SYN2: variants seen among roughly 807,000 people sequenced by gnomAD.
SYN2 encodes the protein synapsin-2.
SYN2 carries 19 observed loss-of-function variants against 50.9 expected under a neutral mutation model. The ratio of observed to expected loss-of-function variants is 0.37; its 90% CI spans 0.26 to 0.55. The LOEUF (loss-of-function observed/expected upper bound fraction) is 0.55, where lower values mean the gene tolerates loss of function less well. Among genes scored for constraint, SYN2 ranks in the 20% least tolerant of loss-of-function variants. The pLI, the probability that SYN2 is intolerant of heterozygous loss-of-function variation, is 0.81. For missense variants in SYN2, 587 were observed against 576.4 expected (o/e 1.02, Z -0.19); for synonymous variants, 255 against 224.9 (o/e 1.13, Z -1.20).
intron 1 of SYN2, among the ~76,000 whole-genome samples, chr3:12,020,615 T>G (rs1694113047): frequency 6.6e-6 from 1 of 152,184 alleles, no homozygotes; most frequent in East Asian, 1.9e-4. Context: ...CTCCAGAGAT[T>G]CTTCAGTGCT....
At chr3:12,037,670 G>T (rs773141411) in intron 1 of SYN2, among the ~76,000 whole-genome samples, 2 of 152,114 alleles carry the variant, frequency 1.3e-5, no homozygotes, top group Non-Finnish European at 2.9e-5. Context: ...TAACTAACCT[G>T]CTCCCATGAT....
At chr3:12,013,705 C>T (rs1340897893) in intron 1 of SYN2, among the ~76,000 whole-genome samples, 2 of 152,180 alleles carry the variant, frequency 1.3e-5, no homozygotes, top group Non-Finnish European at 2.9e-5. Flanking sequence ...CATTTAGTAA[C>T]CTGAATGAAC....
intron 2 of SYN2, 54 bp downstream of exon 2, chr3:12,140,762 C>T: frequency 1.4e-6 from 1 of 726,332 alleles, no homozygotes; most frequent in Non-Finnish European, 2.6e-6. Context: ...TTCCTCTTGA[C>T]ATGCCAGAGT....
chr3:12,139,940 A>G (rs1175859241), intron 1 of SYN2, among the ~76,000 whole-genome samples: 1 of 151,056 alleles, frequency 6.6e-6, no homozygotes, highest in Non-Finnish European at 1.5e-5. Flanking sequence ...GGATTAATTA[A>G]TGCATTAATG....
intron 7 of SYN2, 48 bp downstream of exon 7, chr3:12,162,202 TG>T: frequency 6.3e-7 from 1 of 1,597,958 alleles, no homozygotes; most frequent in South Asian, 1.1e-5. Flanking sequence ...ATGGAAAAGC[TG>T]AGCCTCCACA....
intron 6 of SYN2, 127 bp from the exon 7 acceptor site, chr3:12,161,885 T>G (rs971375967): frequency 7.4e-7 from 1 of 1,356,770 alleles, no homozygotes; most frequent in Non-Finnish European, 1.0e-6. Flanking sequence ...TGGGGAGATG[T>G]GGCACCCAGA....
At chr3:12,138,424 C>G (rs1322058676) in intron 1 of SYN2, among the ~76,000 whole-genome samples, 6 of 152,168 alleles carry the variant, frequency 3.9e-5, no homozygotes, top group Admixed American at 6.5e-5. Flanking sequence ...ATAAACCCAG[C>G]CAGAGTCTAT....
At chr3:12,126,619 G>A (rs1696676767) in intron 1 of SYN2, among the ~76,000 whole-genome samples, 1 of 152,188 alleles carries the variant, frequency 6.6e-6, no homozygotes, top group South Asian at 2.1e-4. Context: ...AATCTGCTCT[G>A]GAGTCAGTTT....
At chr3:12,040,703 A>G (rs1017238077) in intron 1 of SYN2, among the ~76,000 whole-genome samples, 1 of 152,170 alleles carries the variant, frequency 6.6e-6, no homozygotes, top group Admixed American at 6.5e-5. Context: ...TATAACTTTC[A>G]TATATATCAC....
At chr3:12,150,382 A>G (rs1441657060) in intron 4 of SYN2, among the ~76,000 whole-genome samples, 1 of 152,218 alleles carries the variant, frequency 6.6e-6, no homozygotes, top group African/African-American at 2.4e-5. Context: ...TACTTGCAGG[A>G]ATAAGGAGAG....
intron 1 of SYN2, among the ~76,000 whole-genome samples, chr3:12,100,893 T>C (rs1696059220): frequency 6.6e-6 from 1 of 152,170 alleles, no homozygotes; most frequent in Admixed American, 6.5e-5. Flanking sequence ...CAGCATCATT[T>C]ACCATCAGGA....
chr3:12,131,508 A>T (rs1476826748), intron 1 of SYN2, among the ~76,000 whole-genome samples: 1 of 152,194 alleles, frequency 6.6e-6, no homozygotes, highest in South Asian at 2.1e-4. Flanking sequence ...CCAATATCAA[A>T]TCAGCCTGAT....
At chr3:12,171,307 A>G (rs538643559) in intron 10 of SYN2, among the ~76,000 whole-genome samples, 11 of 152,298 alleles carry the variant, frequency 7.2e-5, no homozygotes, top group Admixed American at 3.3e-4. Context: ...AGATTTTATG[A>G]TTTTGTAAAT....
At chr3:12,053,506 A>ATG (rs200419580) in intron 1 of SYN2, among the ~76,000 whole-genome samples, 4,723 of 152,206 alleles carry the variant, frequency 0.031, 274 homozygotes, top group African/African-American at 0.11. Context: ...TATCTGATAA[A>ATG]TGTACACTTA....
chr3:12,169,956 C>T, intron 10 of SYN2, 50 bp downstream of exon 10: 1 of 1,548,182 alleles, frequency 6.5e-7, no homozygotes, highest in South Asian at 1.2e-5. Flanking sequence ...TTCCCAAGCC[C>T]ACTCCTCTAG....
intron 1 of SYN2, among the ~76,000 whole-genome samples, chr3:12,047,871 A>G (rs964341219): frequency 1.3e-5 from 2 of 152,236 alleles, no homozygotes; most frequent in African/African-American, 4.8e-5. Flanking sequence ...TGAAGAAAGC[A>G]TTTAACCTGT....
rs1695860945 is a variant in SYN2 at position 12,093,011 on chromosome 3, C to A, written c.378-47640C>A. ...GTTAGCCATCCTGATTACTTTTCCTCTCCCACAGGGTGCCTTTGACCTTAA... is the reference window on the plus strand; with the variant it reads ...GTTAGCCATCCTGATTACTTTTCCTATCCCACAGGGTGCCTTTGACCTTAA... On this transcript the variant is annotated intron_variant, in intron 1 of 12. Transcript: ENST00000621198. Among the ~76,000 whole-genome samples, 14 of 152,282 alleles carry A rather than the reference C, an allele frequency of 9.2e-5. No homozygotes were observed. In the South Asian group the frequency reaches 2.9e-3, roughly 32 times the overall value.
At chr3:12,106,287 A>G (rs1696189072) in intron 1 of SYN2, among the ~76,000 whole-genome samples, 1 of 152,178 alleles carries the variant, frequency 6.6e-6, no homozygotes, top group Admixed American at 6.5e-5. Flanking sequence ...CAGCTGGAGA[A>G]AACTCTCTGC....
chr3:12,126,669 A>G (rs1481149741), intron 1 of SYN2, among the ~76,000 whole-genome samples: 1 of 152,198 alleles, frequency 6.6e-6, no homozygotes, highest in African/African-American at 2.4e-5. Flanking sequence ...CAGTAGTTGT[A>G]TGACCTTGAA....
Sources: allele counts gnomAD v4.1 joint callset (sites outside exome capture counted in the v4.1 genomes callset), GRCh38; gene constraint gnomAD v4.1.1; transcripts MANE v1.5; gene names NCBI Gene and HGNC (gene_info 2026-07-23, HGNC 2026-07-21).